Variants in DOCK9 observed in about 807,000 individuals in gnomAD.
DOCK9 encodes dedicator of cytokinesis 9.
DOCK9 carries 89 observed loss-of-function variants against 263.3 expected under a neutral mutation model. The ratio of observed to expected loss-of-function variants is 0.34; its 90% CI spans 0.28 to 0.40. The LOEUF is 0.40. DOCK9 is among the 10% of genes least tolerant of loss of function. The pLI, the probability that DOCK9 is intolerant of heterozygous loss-of-function variation, is 1.00. For missense variants in DOCK9, 2,140 were observed against 2,603.4 expected, an observed-to-expected ratio of 0.82 and a Z score of 3.87; for synonymous variants, 976 against 973.1, an observed-to-expected ratio of 1.00 and a Z score of -0.06.
intron 48 of DOCK9, 48 bp downstream of exon 48, chr13:98,807,613 C>T: frequency 7.0e-7 from 1 of 1,434,074 alleles, no homozygotes; most frequent in Non-Finnish European, 9.4e-7. Context: ...AATATGTAAT[C>T]AATCACAACA....
At chr13:99,035,995 G>C (rs1424064959) in intron 1 of DOCK9, among the ~76,000 whole-genome samples, 3 of 152,136 alleles carry the variant, frequency 2.0e-5, no homozygotes, top group Admixed American at 6.6e-5. Flanking sequence ...TGCAACATCA[G>C]CTCTTCTCTG....
intron 1 of DOCK9, among the ~76,000 whole-genome samples, chr13:99,050,016 T>C (rs1394101932): frequency 6.6e-6 from 1 of 152,198 alleles, no homozygotes; most frequent in Non-Finnish European, 1.5e-5. Context: ...TGAAATATGA[T>C]ATGTGAAAAT....
intron 43 of DOCK9, among the ~76,000 whole-genome samples, chr13:98,827,149 A>G (rs919849686): frequency 6.6e-6 from 1 of 152,238 alleles, no homozygotes; most frequent in Non-Finnish European, 1.5e-5. Flanking sequence ...TTACATTTGT[A>G]AAGTAAAAGA....
At chr13:98,856,151 C>A (rs2093701542) in intron 33 of DOCK9, 120 bp from the exon 34 acceptor site, 1 of 1,028,120 alleles carries the variant, frequency 9.7e-7, no homozygotes, top group African/African-American at 1.6e-5. Flanking sequence ...GAAGTTGGCT[C>A]AAGAGTTGCA....
intron 1 of DOCK9, among the ~76,000 whole-genome samples, chr13:99,027,847 C>G (rs1049355368): frequency 6.6e-5 from 10 of 152,178 alleles, no homozygotes; most frequent in Non-Finnish European, 1.5e-4. Flanking sequence ...CATCTCTCAG[C>G]ACTTGGAATT....
At chr13:99,031,008 C>A (rs561248905) in intron 1 of DOCK9, among the ~76,000 whole-genome samples, 147 of 152,058 alleles carry the variant, frequency 9.7e-4, no homozygotes, top group African/African-American at 2.6e-3. Flanking sequence ...AAGTTCAATG[C>A]ATTCATATTT....
chr13:99,022,170 C>G (rs1886198861), intron 1 of DOCK9, among the ~76,000 whole-genome samples: 1 of 152,154 alleles, frequency 6.6e-6, no homozygotes, highest in South Asian at 2.1e-4. Flanking sequence ...TTTGAGATGT[C>G]TAGTGCCAGT....
intron 2 of DOCK9, among the ~76,000 whole-genome samples, chr13:98,951,365 G>T (rs753856699): frequency 1.3e-5 from 2 of 152,140 alleles, no homozygotes; most frequent in Admixed American, 1.3e-4. Flanking sequence ...ATGAATCAAA[G>T]AAAATAACCT....
At chr13:98,818,491 A>G (rs1594314018) in intron 45 of DOCK9, among the ~76,000 whole-genome samples, 1 of 152,312 alleles carries the variant, frequency 6.6e-6, no homozygotes, top group South Asian at 2.1e-4. Context: ...GGGCAGTCAT[A>G]TGGAGTGCCT....
At chr13:98,806,345 A>G (rs2090704198) in intron 48 of DOCK9, among the ~76,000 whole-genome samples, 1 of 152,278 alleles carries the variant, frequency 6.6e-6, no homozygotes, top group Admixed American at 6.5e-5. Flanking sequence ...AGAATTAAAC[A>G]TAGGCAATTC....
chr13:99,074,744 G>C lies in DOCK9; in HGVS notation c.129+11479C>G, dbSNP rs2041839875. Among the ~76,000 whole-genome samples the C allele has an allele frequency of 2.6e-5, 4 of 152,198 alleles. No individual in the cohort carries two copies. In the South Asian group the frequency reaches 8.3e-4, roughly 32 times the overall value. On this transcript the variant is annotated intron_variant, in intron 1 of 32. Transcript: ENST00000427887. ...ATCCACTTGTAACTCCTGTTAATCAGAGTGTATATTCAGGGCAATTTGAAC... is the reference window on the plus strand; with the variant it reads ...ATCCACTTGTAACTCCTGTTAATCACAGTGTATATTCAGGGCAATTTGAAC...
chr13:98,964,486 A>C (rs1255055883), intron 1 of DOCK9, among the ~76,000 whole-genome samples: 1 of 152,206 alleles, frequency 6.6e-6, no homozygotes, highest in African/African-American at 2.4e-5. Context: ...ACCAGGGAGC[A>C]TGTGCATGGA....
At chr13:98,972,901 C>T (rs1201932322) in intron 1 of DOCK9, among the ~76,000 whole-genome samples, 1 of 152,136 alleles carries the variant, frequency 6.6e-6, no homozygotes, top group African/African-American at 2.4e-5. Context: ...TCTTATTTGC[C>T]TCAATGCACT....
Position 98,944,877 on chromosome 13 carries a change from G to A in DOCK9, c.243+10558C>T, listed in dbSNP as rs140961089. ...GCTTCCCCAATATGTTTCTGTGGTT[G>A]CTGATTTGGACTCAGGCATAGAAGA... On this transcript the variant is annotated intron_variant, in intron 2 of 52. Coordinates refer to ENST00000682017, the MANE Select transcript of DOCK9 (RefSeq NM_001366683.2). Among the ~76,000 whole-genome samples, 1,344 of 152,316 alleles carry A rather than the reference G, an allele frequency of 8.8e-3. 22 individuals carry two copies. Among genetic ancestry groups the A allele is most frequent in the African/African-American group, 0.03 (1,258 of 41,578 alleles).
chr13:99,026,594 T>C (rs564617097), intron 1 of DOCK9, among the ~76,000 whole-genome samples: 7 of 152,268 alleles, frequency 4.6e-5, no homozygotes, highest in Middle Eastern at 3.4e-3. Context: ...GTTAGGGAGG[T>C]CTGGACCTGA....
At position 99,059,590 on chromosome 13, in the gene DOCK9, T is replaced by C. The variant is rs117541167; in HGVS notation, c.129+26633A>G. Among the ~76,000 whole-genome samples, 397 of 152,314 alleles carry C rather than the reference T, an allele frequency of 2.6e-3. 3 individuals carry two copies. Among genetic ancestry groups the C allele is most frequent in the Non-Finnish European group, 4.1e-3 (276 of 68,026 alleles). On this transcript the variant is annotated intron_variant, in intron 1 of 32. Transcript: ENST00000427887. ...TTCCCAAAATACAAATGCAACCACA[T>C]CACTGTCCTGTTTAAAATCCTTCAG... is the stretch of plus-strand genomic sequence containing the variant.
chr13:98,987,235 C>T (rs1450630785), intron 1 of DOCK9, among the ~76,000 whole-genome samples: 3 of 152,276 alleles, frequency 2.0e-5, no homozygotes, highest in Middle Eastern at 3.4e-3. Context: ...AATGTAAACA[C>T]GTATCAAAAC....
At chr13:99,055,297 TA>T (rs2040866335) in intron 1 of DOCK9, among the ~76,000 whole-genome samples, 2 of 152,186 alleles carry the variant, frequency 1.3e-5, no homozygotes, top group Non-Finnish European at 2.9e-5. Context: ...AGATTAGCAC[TA>T]AAGGAACTTT....
At chr13:99,035,479 G>T (rs928590076) in intron 1 of DOCK9, among the ~76,000 whole-genome samples, 1 of 152,188 alleles carries the variant, frequency 6.6e-6, no homozygotes, top group South Asian at 2.1e-4. Flanking sequence ...CTAATGGGAC[G>T]TGTTAAGTGA....
Sources: allele counts gnomAD v4.1 joint callset (sites outside exome capture counted in the v4.1 genomes callset), GRCh38; gene constraint gnomAD v4.1.1; transcripts MANE v1.5; gene names NCBI Gene and HGNC (gene_info 2026-07-23, HGNC 2026-07-21).